ANO3: variants seen among roughly 807,000 people sequenced by gnomAD.
The protein encoded by ANO3 is anoctamin-3.
In ANO3, 99 loss-of-function variants were observed where a neutral mutation model predicts 144.8. The observed-to-expected ratio is 0.68, with a 90% CI of 0.58 to 0.81. The LOEUF (loss-of-function observed/expected upper bound fraction) is 0.81. Among genes scored for constraint, ANO3 ranks in the 30% least tolerant of loss-of-function variants. The pLI is 0.00. For missense variants in ANO3, 905 were observed against 1,202.2 expected, an observed-to-expected ratio of 0.75 and a Z score of 3.66; for synonymous variants, 414 against 392.6, an observed-to-expected ratio of 1.05 and a Z score of -0.64.
intron 1 of ANO3, among the ~76,000 whole-genome samples, chr11:26,345,374 G>C (rs1401743359): frequency 6.6e-6 from 1 of 152,108 alleles, no homozygotes; most frequent in African/African-American, 2.4e-5. Context: ...GGCCAACATG[G>C]TGAAACACCA....
chr11:26,247,726 C>CTTTTTTTT lies in ANO3; in HGVS notation c.154+58409_154+58416dup, dbSNP rs532538445. 1.2e-3 allele frequency among the ~76,000 whole-genome samples: 120 copies of CTTTTTTTT among 104,182 alleles called. 3 individuals carry two copies. Among genetic ancestry groups the CTTTTTTTT allele is most frequent in the East Asian group, 5.1e-3 (17 of 3,328 alleles). The allele number at this position is 104,182 out of a possible 152,430, so 68.3% of individuals were successfully genotyped here. The stretch of plus-strand genomic sequence containing the variant: ...TTTCATTTAGCTGTAGCTCCAGTCA[C>CTTTTTTTT]TTTTTTTTTTTTTTTTTTTTGAGAC... On this transcript the variant is annotated intron_variant, in intron 1 of 27. Coordinates refer to the ANO3 transcript ENST00000672621.
chr11:26,331,021 A>C (rs993911122), upstream of ANO3, among the ~76,000 whole-genome samples: 2 of 152,206 alleles, frequency 1.3e-5, no homozygotes, highest in South Asian at 4.1e-4. Flanking sequence ...GGGAGCAGAG[A>C]TAGATGGAGG....
At chr11:26,222,900 G>A (rs975876454) in intron 1 of ANO3, among the ~76,000 whole-genome samples, 1 of 152,156 alleles carries the variant, frequency 6.6e-6, no homozygotes, top group South Asian at 2.1e-4. Context: ...ACCTGTGGTG[G>A]GAAGAGCTGC....
chr11:26,660,291 C>T lies in ANO3; in HGVS notation c.2793C>T (p.Ile931=), dbSNP rs749048847. The T allele has an allele frequency of 1.5e-5, 25 of 1,612,978 alleles. No homozygotes were observed. Among genetic ancestry groups the T allele is most frequent in the Non-Finnish European group, 1.9e-5 (22 of 1,179,530 alleles). Residue 931 remains isoleucine (I), a synonymous_variant, in exon 27 of 27, where the codon ATC becomes ATT. Coordinates refer to ENST00000256737, the MANE Select transcript of ANO3 (RefSeq NM_031418.4). The part of the protein sequence containing the change: ...EHLVFGIKSF[I]AYLIPDVPKG... The stretch of plus-strand genomic sequence containing the variant: ...TTGTTTTTGGGATTAAGTCATTCAT[C>T]GCATACCTGATTCCAGACGTACCAA...
chr11:26,259,756 A>G (rs11029447), intron 1 of ANO3, among the ~76,000 whole-genome samples: 2,954 of 152,272 alleles, frequency 0.019, 62 homozygotes, highest in East Asian at 0.11. Flanking sequence ...TCAGTGCCAG[A>G]TGAAGACTCC....
chr11:26,528,264 C>T (rs963173925), intron 7 of ANO3, among the ~76,000 whole-genome samples: 1 of 152,032 alleles, frequency 6.6e-6, no homozygotes, highest in African/African-American at 2.4e-5. Flanking sequence ...TATTTCTTTT[C>T]AATTAAGAGA....
intron 1 of ANO3, among the ~76,000 whole-genome samples, chr11:26,296,202 C>T (rs1854084905): frequency 6.6e-6 from 1 of 152,184 alleles, no homozygotes; most frequent in Non-Finnish European, 1.5e-5. Flanking sequence ...AATGTTCTTG[C>T]TACCTAAGGA....
chr11:26,569,535 G>C (rs1017994944), intron 14 of ANO3, among the ~76,000 whole-genome samples: 6 of 151,966 alleles, frequency 3.9e-5, no homozygotes, highest in East Asian at 1.9e-4. Context: ...CCGTTATTCA[G>C]AACCCCACCA....
intron 24 of ANO3, among the ~76,000 whole-genome samples, chr11:26,650,587 T>C (rs1364117868): frequency 6.6e-6 from 1 of 152,128 alleles, no homozygotes; most frequent in Non-Finnish European, 1.5e-5. Flanking sequence ...CACCAAACAG[T>C]ATTGCTAGTG....
At chr11:26,444,565 T>C (rs11029560) in intron 3 of ANO3, among the ~76,000 whole-genome samples, 36,999 of 151,944 alleles carry the variant, frequency 0.24, 5,211 homozygotes, top group African/African-American at 0.39. Context: ...TTCAGATCAC[T>C]GGAGGGCTTT....
intron 1 of ANO3, among the ~76,000 whole-genome samples, chr11:26,420,943 A>C (rs1267047703): frequency 6.6e-6 from 1 of 152,094 alleles, no homozygotes; most frequent in Non-Finnish European, 1.5e-5. Context: ...TTTCTGAGTA[A>C]ACAAAGAAGT....
intron 1 of ANO3, among the ~76,000 whole-genome samples, chr11:26,425,413 C>T (rs948282909): frequency 4.6e-5 from 7 of 151,924 alleles, no homozygotes; most frequent in Non-Finnish European, 7.4e-5. Context: ...TAAATTAATA[C>T]ATTTGAAGAG....
Position 26,332,185 on chromosome 11 carries a change from T to C in ANO3, c.-91T>C. On this transcript the variant is annotated 5_prime_UTR_variant, in exon 1 of 27. Coordinates refer to ENST00000256737, the MANE Select transcript of ANO3 (RefSeq NM_031418.4). The stretch of plus-strand genomic sequence containing the variant: ...CGGATTGCAGTGCGCTCGCTGAGGC[T>C]CCGGACCTTGGAGCGTCTAGAGTCT... The C allele has an allele frequency of 6.2e-7, 1 of 1,611,662 alleles. No individual in the cohort carries two copies. The highest frequency in any genetic ancestry group is 2.2e-5 in the East Asian group (1 of 44,846).
chr11:26,605,447 A>G (rs1294822593), intron 17 of ANO3, among the ~76,000 whole-genome samples: 1 of 152,190 alleles, frequency 6.6e-6, no homozygotes, highest in Non-Finnish European at 1.5e-5. Flanking sequence ...TCATAAAATG[A>G]AATAGAGAGG....
intron 1 of ANO3, among the ~76,000 whole-genome samples, chr11:26,235,883 C>A (rs965403468): frequency 9.9e-5 from 15 of 152,050 alleles, no homozygotes; most frequent in Non-Finnish European, 1.6e-4. Flanking sequence ...TCACTCCTCT[C>A]CCTCCATTCT....
intron 4 of ANO3, among the ~76,000 whole-genome samples, chr11:26,467,769 A>T (rs1327169176): frequency 2.0e-5 from 3 of 151,854 alleles, no homozygotes; most frequent in Admixed American, 2.0e-4. Context: ...TTCTTTTATA[A>T]AACTTTTCTT....
At chr11:26,347,595 T>A (rs1299830908) in intron 1 of ANO3, among the ~76,000 whole-genome samples, 1 of 151,876 alleles carries the variant, frequency 6.6e-6, no homozygotes, top group Non-Finnish European at 1.5e-5. Flanking sequence ...ATGGTGAAAA[T>A]TAGTCAACAT....
intron 1 of ANO3, among the ~76,000 whole-genome samples, chr11:26,207,412 A>C (rs529040727): frequency 1.3e-5 from 2 of 152,318 alleles, no homozygotes; most frequent in South Asian, 4.1e-4. Flanking sequence ...ACGTGTTAAG[A>C]TACGGGTTTG....
intron 14 of ANO3, among the ~76,000 whole-genome samples, chr11:26,582,412 A>G (rs1039674079): frequency 6.6e-6 from 1 of 152,178 alleles, no homozygotes; most frequent in Non-Finnish European, 1.5e-5. Flanking sequence ...TTAGTTCTGG[A>G]GCAGTTTTCT....
Sources: gnomAD v4.1 joint callset for allele counts (sites outside exome capture counted in the v4.1 genomes callset) on GRCh38, gnomAD v4.1.1 for gene constraint, MANE v1.5 for transcripts, NCBI Gene and HGNC (gene_info 2026-07-23, HGNC 2026-07-21) for gene names.